Variants in CNTNAP2 observed in about 807,000 individuals in gnomAD.
The protein encoded by CNTNAP2 is contactin-associated protein-like 2.
CNTNAP2 carries 98 observed loss-of-function variants against 155.2 expected under a neutral mutation model. That is an observed-to-expected ratio of 0.63 (90% CI 0.54 to 0.75). The LOEUF is 0.75. CNTNAP2 is among the 30% of genes least tolerant of loss of function. CNTNAP2 has a pLI of 0.00. For synonymous variants in CNTNAP2, 651 were observed against 631.2 expected, an observed-to-expected ratio of 1.03 and a Z score of -0.47; for missense variants, 1,727 against 1,688.1, an observed-to-expected ratio of 1.02 and a Z score of -0.40.
chr7:146,409,252 C>T lies in CNTNAP2; in HGVS notation c.97+292279C>T, dbSNP rs544445633. On this transcript the variant is annotated intron_variant, in intron 1 of 23. Coordinates refer to ENST00000361727, the MANE Select transcript of CNTNAP2 (RefSeq NM_014141.6). ...ATATCTAAAGGTATAAGTCATTTTGCGAGGCTAATAAGATGACACCTTTTA... is the reference window on the plus strand; with the variant it reads ...ATATCTAAAGGTATAAGTCATTTTGTGAGGCTAATAAGATGACACCTTTTA... Among the ~76,000 whole-genome samples the T allele has an allele frequency of 1.1e-4, 17 of 152,102 alleles. No homozygotes were observed. In the South Asian group the frequency reaches 2.5e-3, roughly 22 times the overall value.
chr7:146,737,060 T>A (rs2129180435), intron 1 of CNTNAP2, among the ~76,000 whole-genome samples: 1 of 152,268 alleles, frequency 6.6e-6, no homozygotes, highest in African/African-American at 2.4e-5. Flanking sequence ...CTAAATATGA[T>A]TATTATTTAC....
intron 9 of CNTNAP2, among the ~76,000 whole-genome samples, chr7:147,306,761 T>C (rs1451389005): frequency 2.6e-5 from 4 of 152,154 alleles, no homozygotes; most frequent in African/African-American, 9.7e-5. Context: ...TCTGGCTTCA[T>C]TGCTTTGGTT....
At chr7:147,393,647 T>C (rs1420354210) in intron 9 of CNTNAP2, among the ~76,000 whole-genome samples, 2 of 152,010 alleles carry the variant, frequency 1.3e-5, no homozygotes, top group East Asian at 3.9e-4. Flanking sequence ...TATAAACAGA[T>C]CATTTACCTA....
At chr7:147,621,191 G>A (rs1794842008) in intron 12 of CNTNAP2, among the ~76,000 whole-genome samples, 1 of 152,084 alleles carries the variant, frequency 6.6e-6, no homozygotes. Context: ...CAGAAGCTGA[G>A]GGATTTTATC....
At chr7:146,659,614 C>T (rs1800053104) in intron 1 of CNTNAP2, among the ~76,000 whole-genome samples, 1 of 152,086 alleles carries the variant, frequency 6.6e-6, no homozygotes, top group South Asian at 2.1e-4. Flanking sequence ...CCAAACCACT[C>T]ATCTAAAAAT....
intron 3 of CNTNAP2, among the ~76,000 whole-genome samples, chr7:146,920,228 A>C (rs1210843398): frequency 2.0e-5 from 3 of 152,104 alleles, no homozygotes; most frequent in Non-Finnish European, 4.4e-5. Flanking sequence ...AGCCTGGGCA[A>C]GGTGGTGAAA....
chr7:146,669,987 C>T (rs2642519), intron 1 of CNTNAP2, among the ~76,000 whole-genome samples: 123,057 of 152,126 alleles, frequency 0.81, 50,381 homozygotes, highest in South Asian at 0.91. Flanking sequence ...AAAGAACATA[C>T]ATTAATGTTT....
intron 1 of CNTNAP2, among the ~76,000 whole-genome samples, chr7:146,617,266 C>T (rs1356470621): frequency 1.3e-5 from 2 of 152,156 alleles, no homozygotes; most frequent in Non-Finnish European, 2.9e-5. Flanking sequence ...TGAGCTTGAA[C>T]AAAATCTCCA....
rs1343149610 is a variant in CNTNAP2 at position 147,120,995 on chromosome 7, C to T, written c.771C>T (p.Gly257=). The change falls in exon 6 of 24, where the codon GGC becomes GGT. Residue 257 remains glycine, a synonymous_variant. Coordinates refer to ENST00000361727, the MANE Select transcript of CNTNAP2 (RefSeq NM_014141.6). ...LSLNLGSNQL[G]PIYGHTSVMT... is the part of the protein sequence containing the mutation. The stretch of plus-strand genomic sequence containing the variant: ...TGTACGCAGGAAGCAACCAGCTTGG[C>T]CCCATATATGGCCACACATCAGTGA... 1 of 1,613,682 alleles carries T rather than the reference C, an allele frequency of 6.2e-7. No homozygotes were observed. The highest frequency in any genetic ancestry group is 1.7e-5 in the Admixed American group (1 of 60,014).
At chr7:148,182,081 C>G (rs1795048321) in intron 18 of CNTNAP2, among the ~76,000 whole-genome samples, 1 of 152,072 alleles carries the variant, frequency 6.6e-6, no homozygotes, top group Non-Finnish European at 1.5e-5. Context: ...TTCTAATCCC[C>G]ACCAGTGTGG....
chr7:148,409,749 T>G (rs911462878), intron 23 of CNTNAP2, among the ~76,000 whole-genome samples: 8 of 147,486 alleles, frequency 5.4e-5, no homozygotes, highest in Non-Finnish European at 1.0e-4. Flanking sequence ...AAACCCCATA[T>G]CTACTAAAAA....
intron 13 of CNTNAP2, among the ~76,000 whole-genome samples, chr7:147,864,730 G>A (rs1434441747): frequency 3.3e-5 from 5 of 152,106 alleles, no homozygotes; most frequent in African/African-American, 9.7e-5. Context: ...CTCTCTGTTT[G>A]TCTGTTATTG....
At chr7:147,983,557 C>T (rs1801569512) in intron 15 of CNTNAP2, among the ~76,000 whole-genome samples, 1 of 152,100 alleles carries the variant, frequency 6.6e-6, no homozygotes, top group South Asian at 2.1e-4. Flanking sequence ...GTCCTCAGAA[C>T]ATGTGTCCAA....
intron 1 of CNTNAP2, among the ~76,000 whole-genome samples, chr7:146,623,338 G>A (rs539775664): frequency 6.6e-6 from 1 of 151,960 alleles, no homozygotes; most frequent in Non-Finnish European, 1.5e-5. Context: ...AGTTCTATGG[G>A]TTTTGACAAT....
At chr7:147,292,582 C>T (rs1227606805) in intron 8 of CNTNAP2, among the ~76,000 whole-genome samples, 1 of 152,066 alleles carries the variant, frequency 6.6e-6, no homozygotes, top group East Asian at 1.9e-4. Context: ...CTTAATTTCT[C>T]TCACTGATGA....
intron 1 of CNTNAP2, among the ~76,000 whole-genome samples, chr7:146,654,102 A>C (rs1563173970): frequency 6.6e-6 from 1 of 152,018 alleles, no homozygotes; most frequent in Non-Finnish European, 1.5e-5. Flanking sequence ...TTTCTTACCC[A>C]TTTGGTCTTT....
At chr7:147,499,777 A>G (rs908670702) in intron 11 of CNTNAP2, among the ~76,000 whole-genome samples, 1 of 152,038 alleles carries the variant, frequency 6.6e-6, no homozygotes, top group Non-Finnish European at 1.5e-5. Context: ...AGAGAGCTGC[A>G]CTCTTCATCT....
At chr7:148,072,250 A>G (rs1038480058) in intron 15 of CNTNAP2, among the ~76,000 whole-genome samples, 2 of 152,216 alleles carry the variant, frequency 1.3e-5, no homozygotes, top group Admixed American at 6.5e-5. Context: ...CCACCTTGCT[A>G]TATTAATGTC....
chr7:146,663,257 A>G (rs576301319), intron 1 of CNTNAP2, among the ~76,000 whole-genome samples: 1 of 145,020 alleles, frequency 6.9e-6, no homozygotes, highest in East Asian at 2.0e-4. Flanking sequence ...AGCCTGGGCA[A>G]CAAGAGTGAA....
Sources: allele counts gnomAD v4.1 joint callset (sites outside exome capture counted in the v4.1 genomes callset), GRCh38; gene constraint gnomAD v4.1.1; transcripts MANE v1.5; gene names NCBI Gene and HGNC (gene_info 2026-07-23, HGNC 2026-07-21).